ERBB4: variants seen among roughly 807,000 people sequenced by gnomAD.
ERBB4 encodes the protein receptor tyrosine-protein kinase erbB-4.
ERBB4 carries 42 observed loss-of-function variants against 158.0 expected under a neutral mutation model. The observed-to-expected ratio is 0.27, with a 90% CI of 0.21 to 0.34. The LOEUF is 0.34. Ranked by LOEUF, ERBB4 falls within the 10% of genes least tolerant of loss-of-function variation. The pLI, the probability that ERBB4 is intolerant of heterozygous loss-of-function variation, is 1.00. For missense variants in ERBB4, 1,333 were observed against 1,624.1 expected, an observed-to-expected ratio of 0.82 and a Z score of 3.08; for synonymous variants, 583 against 558.7, an observed-to-expected ratio of 1.04 and a Z score of -0.61.
chr2:211,637,166 A>AT (rs2125886594), intron 16 of ERBB4, among the ~76,000 whole-genome samples: 1 of 152,078 alleles, frequency 6.6e-6, no homozygotes, highest in African/African-American at 2.4e-5. Flanking sequence ...AGATGAAAGC[A>AT]TAAGTCTATC....
At chr2:211,838,757 A>G (rs576142182) in intron 3 of ERBB4, among the ~76,000 whole-genome samples, 2 of 152,252 alleles carry the variant, frequency 1.3e-5, no homozygotes, top group South Asian at 4.1e-4. Context: ...ATAATTCCAG[A>G]AACACAATAA....
rs561997094 is a variant in ERBB4 at position 211,665,360 on chromosome 2, G to A, written c.1834C>T (p.Arg612Trp). 2.4e-5 allele frequency: 38 copies of A among 1,614,134 alleles called. No individual in the cohort carries two copies. In the East Asian group the frequency reaches 3.6e-4, roughly 15 times the overall value. Residue 612 changes from arginine (R) to tryptophan (W), a missense_variant, in exon 15 of 28, where the codon CGG becomes TGG. This residue lies in a region of ERBB4 where 245 missense variants were observed against 247.5 expected (regional missense o/e 0.99). Coordinates refer to ENST00000342788, the MANE Select transcript of ERBB4 (RefSeq NM_005235.3). ...TTTGGATGGCATGGGTGGCACTCCCGATCTGGATCAGCATACTTGAAAATG... is the reference window on the plus strand; with the variant it reads ...TTTGGATGGCATGGGTGGCACTCCCAATCTGGATCAGCATACTTGAAAATG... ...SFIFKYADPD[R>W]ECHPCHPNCT...
At chr2:212,268,855 A>G (rs930988797) in intron 1 of ERBB4, among the ~76,000 whole-genome samples, 2 of 151,880 alleles carry the variant, frequency 1.3e-5, no homozygotes, top group Non-Finnish European at 2.9e-5. Context: ...AGCATTATAA[A>G]TTATTCACAT....
chr2:212,092,148 C>T (rs1389487881), intron 2 of ERBB4, among the ~76,000 whole-genome samples: 2 of 152,160 alleles, frequency 1.3e-5, no homozygotes, highest in Non-Finnish European at 2.9e-5. Flanking sequence ...TAATTATGAT[C>T]ATTGTGTGTA....
At chr2:211,978,199 C>T (rs2081673300) in intron 2 of ERBB4, among the ~76,000 whole-genome samples, 1 of 151,974 alleles carries the variant, frequency 6.6e-6, no homozygotes, top group Non-Finnish European at 1.5e-5. Flanking sequence ...ATTTCCTAGC[C>T]TCTCTGGCAG....
chr2:211,624,555 T>C (rs2069763086), intron 17 of ERBB4, among the ~76,000 whole-genome samples: 2 of 152,122 alleles, frequency 1.3e-5, no homozygotes, highest in Non-Finnish European at 2.9e-5. Flanking sequence ...CATAGAACTC[T>C]AAGGGATGCC....
At chr2:211,905,608 A>C (rs1005639809) in intron 3 of ERBB4, among the ~76,000 whole-genome samples, 1 of 145,382 alleles carries the variant, frequency 6.9e-6, no homozygotes, top group Non-Finnish European at 1.5e-5. Flanking sequence ...TAAAAACTAT[A>C]TATACCTATG....
chr2:212,295,620 C>T (rs1253969348), intron 1 of ERBB4, among the ~76,000 whole-genome samples: 1 of 152,010 alleles, frequency 6.6e-6, no homozygotes, highest in Non-Finnish European at 1.5e-5. Context: ...AGCTCAAATT[C>T]CTGTTCCGTT....
intron 13 of ERBB4, among the ~76,000 whole-genome samples, chr2:211,678,384 A>T (rs1264906582): frequency 6.6e-6 from 1 of 152,042 alleles, no homozygotes; most frequent in East Asian, 1.9e-4. Context: ...AGAGGAAAAT[A>T]AAAAATATTA....
At chr2:212,425,725 A>G (rs969958976) in intron 1 of ERBB4, among the ~76,000 whole-genome samples, 3 of 151,864 alleles carry the variant, frequency 2.0e-5, no homozygotes, top group African/African-American at 7.2e-5. Flanking sequence ...TCACTTCACT[A>G]TTTATAAAGT....
At chr2:212,384,922 C>T (rs918209954) in intron 1 of ERBB4, among the ~76,000 whole-genome samples, 22,073 of 98,420 alleles carry the variant, frequency 0.22, 1,690 homozygotes, top group African/African-American at 0.38. Context: ...TATATATATA[C>T]ACACACACAC....
At chr2:212,017,348 A>T (rs983702883) in intron 2 of ERBB4, among the ~76,000 whole-genome samples, 1 of 152,098 alleles carries the variant, frequency 6.6e-6, no homozygotes, top group Non-Finnish European at 1.5e-5. Flanking sequence ...GAGACACACA[A>T]CTCTATTTCA....
At chr2:212,303,621 A>G (rs2086702134) in intron 1 of ERBB4, among the ~76,000 whole-genome samples, 1 of 151,620 alleles carries the variant, frequency 6.6e-6, no homozygotes, top group African/African-American at 2.4e-5. Flanking sequence ...TACTTATTCA[A>G]GCCACTATAT....
At chr2:211,865,242 A>T (rs930780235) in intron 3 of ERBB4, among the ~76,000 whole-genome samples, 2 of 151,420 alleles carry the variant, frequency 1.3e-5, no homozygotes, top group South Asian at 4.1e-4. Flanking sequence ...TATCATAAAG[A>T]TTTATCTGTT....
At chr2:212,272,298 A>G (rs1296038478) in intron 1 of ERBB4, among the ~76,000 whole-genome samples, 1 of 151,756 alleles carries the variant, frequency 6.6e-6, no homozygotes, top group African/African-American at 2.4e-5. Flanking sequence ...CAAAAGTTAA[A>G]CAGTCCAGAA....
chr2:211,542,164 T>C (rs1373330140), intron 20 of ERBB4, among the ~76,000 whole-genome samples: 5 of 152,006 alleles, frequency 3.3e-5, no homozygotes, highest in African/African-American at 7.2e-5. Flanking sequence ...CTTACATTTA[T>C]AGAACATATA....
intron 4 of ERBB4, 30 bp from the exon 5 acceptor site, chr2:211,750,734 T>A (rs1426558685): frequency 6.3e-7 from 1 of 1,590,674 alleles, no homozygotes; most frequent in Admixed American, 1.7e-5. Flanking sequence ...AAAAAGGACA[T>A]GCACGTTATA....
intron 2 of ERBB4, among the ~76,000 whole-genome samples, chr2:212,071,994 G>A (rs73069244): frequency 1.3e-5 from 2 of 151,980 alleles, no homozygotes; most frequent in African/African-American, 4.8e-5. Context: ...TTGTACAGAA[G>A]AAGAAACTGA....
At chr2:211,411,535 G>T (rs1031798703) in intron 25 of ERBB4, among the ~76,000 whole-genome samples, 2 of 152,168 alleles carry the variant, frequency 1.3e-5, no homozygotes, top group African/African-American at 4.8e-5. Flanking sequence ...AAATTATCCA[G>T]CCACACCTCT....
Sources: allele counts gnomAD v4.1 joint callset (sites outside exome capture counted in the v4.1 genomes callset), GRCh38; gene constraint gnomAD v4.1.1; regional missense constraint gnomAD v4.1.1; transcripts MANE v1.5; gene names NCBI Gene and HGNC (gene_info 2026-07-23, HGNC 2026-07-21).